Variants in RASGEF1A observed in about 807,000 individuals in gnomAD.
RASGEF1A encodes RasGEF domain family member 1A, also known as ras-GEF domain-containing family member 1A.
Under a neutral mutation model 56.4 loss-of-function variants are expected in RASGEF1A, and 18 were observed. The observed-to-expected ratio is 0.32, with a 90% CI of 0.22 to 0.47. The LOEUF (loss-of-function observed/expected upper bound fraction) is 0.47, where lower values mean the gene tolerates loss of function less well. Among genes scored for constraint, RASGEF1A ranks in the 20% least tolerant of loss-of-function variants. The probability of loss-of-function intolerance (pLI) is 1.00; values close to 1 mark genes in which losing one functional copy is unlikely to be tolerated. For missense variants in RASGEF1A, 422 were observed against 627.1 expected, an observed-to-expected ratio of 0.67 and a Z score of 3.49; for synonymous variants, 245 against 242.6, an observed-to-expected ratio of 1.01 and a Z score of -0.09.
rs183047501 is a variant in RASGEF1A, at chr10:43,218,119, G to C, written c.-6-11997C>G. On this transcript the variant is annotated intron_variant, in intron 1 of 12. Transcript: ENST00000395810. ...CGTGAGCACTAAGTGAAGCCACAAAGCTCAGGACAGGCTCAATGCCTGGTG... is the reference window on the plus strand; with the variant it reads ...CGTGAGCACTAAGTGAAGCCACAAACCTCAGGACAGGCTCAATGCCTGGTG... Among the ~76,000 whole-genome samples, 42 of 152,346 alleles carry C rather than the reference G, an allele frequency of 2.8e-4. No individual in the cohort carries two copies. The East Asian group carries it at 7.9e-3, about 29-fold the overall frequency.
rs556028324 is a variant in RASGEF1A at position 43,229,172 on chromosome 10, G to C, written c.-6-23050C>G. Reference sequence around the variant, plus strand: ...TCTCCCTAAACGCACAGGCGCGCGTGGGGCTCACAAGGCACAGGCACGGCT... The same window carrying C: ...TCTCCCTAAACGCACAGGCGCGCGTCGGGCTCACAAGGCACAGGCACGGCT... On this transcript the variant is annotated intron_variant, in intron 1 of 12. Coordinates refer to ENST00000395810, the MANE Select transcript of RASGEF1A (RefSeq NM_145313.4). Among the ~76,000 whole-genome samples the C allele has an allele frequency of 8.4e-3, 1,281 of 152,330 alleles. 20 individuals carry two copies. Among genetic ancestry groups the C allele is most frequent in the African/African-American group, 0.029 (1,225 of 41,578 alleles).
intron 1 of RASGEF1A, among the ~76,000 whole-genome samples, chr10:43,219,927 C>T (rs1292744956): frequency 1.3e-5 from 2 of 152,210 alleles, no homozygotes; most frequent in African/African-American, 2.4e-5. Flanking sequence ...GAGCAGGGAG[C>T]TCTCTCTGGG....
In RASGEF1A at chr10:43,196,350, T is replaced by G; in HGVS notation, c.1422-82A>C. On this transcript the variant is annotated intron_variant, in intron 12 of 12. Transcript: ENST00000395810. This position sits in a 1 kb window ranked among gnomAD's most constrained non-coding sequence, Gnocchi z 4.6. ...GCCATCCTCAGCCTCCCACCAAACA[T>G]GCACCAGGGACCCTGGACCAGGGAC... 6.3e-7 allele frequency: 1 copy of G among 1,578,848 alleles called. No individual in the cohort carries two copies. Among genetic ancestry groups the G allele is most frequent in the South Asian group, 1.1e-5 (1 of 90,208 alleles).
At chr10:43,229,296 C>A (rs956314715) in intron 1 of RASGEF1A, among the ~76,000 whole-genome samples, 3 of 152,214 alleles carry the variant, frequency 2.0e-5, no homozygotes, top group Non-Finnish European at 4.4e-5. Flanking sequence ...CCACCCCTCG[C>A]CCGGCACATC....
Position 43,196,439 on chromosome 10 carries a change from T to C in RASGEF1A, c.1421+37A>G, listed in dbSNP as rs755567091. ...TCGTGCCCACCCTGAGTCCTCCCTC[T>C]TCCTTACAGACTCCCATGTTCCTGA... On this transcript the variant is annotated intron_variant, in intron 12 of 12. Coordinates refer to ENST00000395810, the MANE Select transcript of RASGEF1A (RefSeq NM_145313.4). This position sits in a 1 kb window ranked among gnomAD's most constrained non-coding sequence, Gnocchi z 4.6. 6.2e-7 allele frequency: 1 copy of C among 1,603,658 alleles called. No individual in the cohort carries two copies. Among genetic ancestry groups the C allele is most frequent in the South Asian group, 1.1e-5 (1 of 90,896 alleles).
chr10:43,206,253 G>A (rs1839994645), intron 1 of RASGEF1A, 131 bp from the exon 2 acceptor site: 1 of 761,558 alleles, frequency 1.3e-6, no homozygotes, highest in Non-Finnish European at 2.1e-6. Context: ...GGCACTGGCA[G>A]AGGGCACCCC....
chr10:43,198,392 C>T (rs948624518), intron 9 of RASGEF1A, among the ~76,000 whole-genome samples, 197 bp from the exon 10 acceptor site: 4 of 152,208 alleles, frequency 2.6e-5, no homozygotes, highest in Admixed American at 2.0e-4. Context: ...AGTTCAGGTC[C>T]TGGCATCCTC....
intron 1 of RASGEF1A, among the ~76,000 whole-genome samples, chr10:43,212,239 CA>C (rs770686076): frequency 6.6e-6 from 1 of 152,224 alleles, no homozygotes; most frequent in Non-Finnish European, 1.5e-5. Flanking sequence ...CACATCCCGG[CA>C]TCTCTCCACT....
chr10:43,215,567 G>A (rs911398487), intron 1 of RASGEF1A, among the ~76,000 whole-genome samples: 4 of 152,166 alleles, frequency 2.6e-5, no homozygotes, highest in Non-Finnish European at 5.9e-5. Context: ...TGGGCTCTTC[G>A]CCCTTCAAGG....
At chr10:43,208,256 C>T in intron 1 of RASGEF1A, 1 of 985,488 alleles carries the variant, frequency 1.0e-6, no homozygotes, top group Non-Finnish European at 1.2e-6. Context: ...TTTGCCGAGC[C>T]ACTGGCCTCT....
chr10:43,238,265 T>C (rs1840460545), intron 1 of RASGEF1A, among the ~76,000 whole-genome samples: 1 of 152,022 alleles, frequency 6.6e-6, no homozygotes, highest in Non-Finnish European at 1.5e-5. Flanking sequence ...CGCCGCAGAT[T>C]GAGACCTGCC....
chr10:43,259,907 C>A (rs188132554), intron 1 of RASGEF1A, among the ~76,000 whole-genome samples: 1 of 145,016 alleles, frequency 6.9e-6, no homozygotes, highest in Non-Finnish European at 1.5e-5. Flanking sequence ...AGGAGCTGGA[C>A]GGAGGGGCAG....
chr10:43,264,236 T>C (rs915794339), intron 1 of RASGEF1A, among the ~76,000 whole-genome samples: 9 of 150,066 alleles, frequency 6.0e-5, no homozygotes, highest in African/African-American at 2.2e-4. Flanking sequence ...CTCGCCACTC[T>C]GGGCCGGCCC....
At chr10:43,250,495 AAC>A (rs1242748053) in intron 1 of RASGEF1A, among the ~76,000 whole-genome samples, 4 of 152,338 alleles carry the variant, frequency 2.6e-5, no homozygotes, top group African/African-American at 7.2e-5. Context: ...GACTGCTAGA[AAC>A]AGATTCCTGG....
intron 1 of RASGEF1A, among the ~76,000 whole-genome samples, chr10:43,251,585 C>T (rs1840628083): frequency 6.6e-6 from 1 of 152,164 alleles, no homozygotes; most frequent in Non-Finnish European, 1.5e-5. Flanking sequence ...AGATGTCAGC[C>T]CAGAGCCCAC....
intron 1 of RASGEF1A, among the ~76,000 whole-genome samples, chr10:43,210,335 G>A (rs541515999): frequency 2.0e-5 from 3 of 152,254 alleles, no homozygotes; most frequent in Admixed American, 6.5e-5. Flanking sequence ...TTAGCCAGGT[G>A]TGGTGGCACA....
chr10:43,229,667 C>A, intron 1 of RASGEF1A: 1 of 1,490,286 alleles, frequency 6.7e-7, no homozygotes, highest in Non-Finnish European at 8.9e-7. Context: ...TGGCCGCCGG[C>A]TCCCCGCGCC....
chr10:43,233,965 A>G (rs1028394229), intron 1 of RASGEF1A, among the ~76,000 whole-genome samples: 1 of 152,220 alleles, frequency 6.6e-6, no homozygotes, highest in African/African-American at 2.4e-5. Flanking sequence ...AGGCAAGGGC[A>G]GGGAGTCAAG....
rs746115197 is a variant in RASGEF1A at position 43,200,860 on chromosome 10, G to A, written c.488C>T (p.Ala163Val). The A allele has an allele frequency of 6.2e-7, 1 of 1,614,010 alleles. No homozygotes were observed. The highest frequency in any genetic ancestry group is 8.5e-7 in the Non-Finnish European group (1 of 1,180,016). Residue 163 changes from alanine (A) to valine (V), a missense_variant, in exon 5 of 13, where the codon GCC becomes GTC. Physicochemically the swap from Ala to Val is moderately conservative, Grantham distance 64. Transcript: ENST00000395810. ...CAGCAACAGGCTCTGTGTCATCTGG[G>A]CAATGGCCTTCTTCACTGTGCCATT... ...EENGTVKKAI[A>V]QMTQSLLLSL...
Sources: allele counts gnomAD v4.1 joint callset (sites outside exome capture counted in the v4.1 genomes callset), GRCh38; gene constraint gnomAD v4.1.1; non-coding constraint Gnocchi (gnomAD v3.1); transcripts MANE v1.5; gene names NCBI Gene and HGNC (gene_info 2026-07-23, HGNC 2026-07-21).